SNRNP25: variants seen among roughly 807,000 people sequenced by gnomAD.
The protein encoded by SNRNP25 is U11/U12 small nuclear ribonucleoprotein 25 kDa protein.
A neutral mutation model predicts 23.9 loss-of-function variants in SNRNP25; 21 were observed. The observed-to-expected ratio is 0.88, with a 90% CI of 0.62 to 1.27. SNRNP25 has a LOEUF of 1.27. Among genes scored for constraint, SNRNP25 ranks in the 50% most tolerant of loss-of-function variants. SNRNP25 has a pLI of 0.00. For missense variants in SNRNP25, 160 were observed against 156.9 expected, an observed-to-expected ratio of 1.02 and a Z score of -0.11; for synonymous variants, 63 against 60.4, an observed-to-expected ratio of 1.04 and a Z score of -0.20.
At chr16:55,916 T>G in intron 3 of SNRNP25, 34 bp downstream of exon 3, 1 of 1,577,944 alleles carries the variant, frequency 6.3e-7, no homozygotes, top group Non-Finnish European at 8.7e-7. Flanking sequence ...ATTATAGCCC[T>G]TCGTGGGGCT....
chr16:54,005 G>T lies in SNRNP25; in HGVS notation c.-12G>T. The T allele has an allele frequency of 6.2e-7, 1 of 1,610,388 alleles. No individual in the cohort carries two copies. Among genetic ancestry groups the T allele is most frequent in the Non-Finnish European group, 8.5e-7 (1 of 1,179,038 alleles). ...CTCCGAGGCCATGGACGTGTTCCAG[G>T]AGGGTCTGGCTATGGTGGTGCAGGA... On this transcript the variant is annotated 5_prime_UTR_variant, in exon 1 of 5. The change creates a premature stop within an existing upstream ORF in the 5' untranslated region. Coordinates refer to ENST00000293861, the MANE Select transcript of SNRNP25 (RefSeq NM_024571.4).
intron 3 of SNRNP25, chr16:56,259 A>G: frequency 1.4e-6 from 1 of 694,352 alleles, no homozygotes; most frequent in Admixed American, 2.0e-5. Context: ...GTCAGCCCTC[A>G]CTCTCCTATT....
rs1567151813 is a variant in SNRNP25 at position 55,476 on chromosome 16, C to T, written c.60C>T (p.Val20=). 1 of 1,614,018 alleles carries T rather than the reference C, an allele frequency of 6.2e-7. No individual in the cohort carries two copies. The highest frequency in any genetic ancestry group is 1.3e-5 in the African/African-American group (1 of 74,920). The change falls in exon 2 of 5, where the codon GTC becomes GTT. Residue 20 remains valine (V), a synonymous_variant. Transcript: ENST00000293861. ...DLPIQVTLEE[V]NSQIALEYGQ... ...TTTTGTAGGTTACTCTGGAAGAAGT[C>T]AACTCCCAAATAGCCCTAGAATACG... is the stretch of plus-strand genomic sequence containing the variant.
chr16:56,288 A>G (rs1238459603), intron 3 of SNRNP25: 1 of 704,286 alleles, frequency 1.4e-6, no homozygotes, highest in Non-Finnish European at 2.7e-6. Context: ...TATCCTGTTC[A>G]CTGAGTCTCA....
In SNRNP25 at chr16:55,489, G is replaced by A. The variant is rs1293077312; in HGVS notation, c.73G>A (p.Ala25Thr). The change falls in exon 2 of 5, where the codon GCC (alanine) becomes ACC (threonine). Residue 25 changes from alanine to threonine, a missense_variant. Ala to Thr is a moderately conservative substitution (Grantham distance 58). Coordinates refer to ENST00000293861, the MANE Select transcript of SNRNP25 (RefSeq NM_024571.4). ...TCTGGAAGAAGTCAACTCCCAAATA[G>A]CCCTAGAATACGGCCAGGCAATGAC... Reference protein sequence around the residue: ...VTLEEVNSQIALEYGQAMTVR... With the variant: ...VTLEEVNSQITLEYGQAMTVR... 6.2e-7 allele frequency: 1 copy of A among 1,614,044 alleles called. No individual in the cohort carries two copies. Among genetic ancestry groups the A allele is most frequent in the Non-Finnish European group, 8.5e-7 (1 of 1,180,032 alleles).
At chr16:55,318 C>A (rs1374446837) in intron 1 of SNRNP25, 141 bp from the exon 2 acceptor site, 5 of 689,696 alleles carry the variant, frequency 7.2e-6, no homozygotes, top group Non-Finnish European at 1.3e-5. Context: ...AATTGGGAAA[C>A]CATAACGTAC....
At chr16:54,666 A>G (rs1015529746) in intron 1 of SNRNP25, among the ~76,000 whole-genome samples, 3 of 152,166 alleles carry the variant, frequency 2.0e-5, no homozygotes, top group African/African-American at 7.2e-5. Flanking sequence ...TCAAGCGTCA[A>G]TCATGTGTCA....
chr16:54,001 C>A lies in SNRNP25; in HGVS notation c.-16C>A. ...CGCACTCCGAGGCCATGGACGTGTTCCAGGAGGGTCTGGCTATGGTGGTGC... is the reference window on the plus strand; with the variant it reads ...CGCACTCCGAGGCCATGGACGTGTTACAGGAGGGTCTGGCTATGGTGGTGC... On this transcript the variant is annotated 5_prime_UTR_variant, in exon 1 of 5. Coordinates refer to ENST00000293861, the MANE Select transcript of SNRNP25 (RefSeq NM_024571.4). The A allele has an allele frequency of 6.2e-7, 1 of 1,610,082 alleles. No individual in the cohort carries two copies. The highest frequency in any genetic ancestry group is 8.5e-7 in the Non-Finnish European group (1 of 1,178,890).
chr16:54,096 C>G (rs1461469873), intron 1 of SNRNP25, 38 bp downstream of exon 1: 1 of 1,573,912 alleles, frequency 6.4e-7, no homozygotes, highest in Non-Finnish European at 8.6e-7. Flanking sequence ...GGGAGTCGTT[C>G]CCCGGGGTCC....
At position 57,175 on chromosome 16, in the gene SNRNP25, G is replaced by T. The variant is rs748089990; in HGVS notation, c.*32G>T. On this transcript the variant is annotated 3_prime_UTR_variant, in exon 5 of 5. Transcript: ENST00000293861. Reference sequence around the variant, plus strand: ...AGACAGGACAACCCTCTTCATCACTGGTGGCTGAGCTTTTTCCCAGCAGGA... The same window carrying T: ...AGACAGGACAACCCTCTTCATCACTTGTGGCTGAGCTTTTTCCCAGCAGGA... 1.9e-6 allele frequency: 3 copies of T among 1,610,576 alleles called. No individual in the cohort carries two copies. Among genetic ancestry groups the T allele is most frequent in the African/African-American group, 2.7e-5 (2 of 74,788 alleles).
intron 1 of SNRNP25, chr16:55,176 C>A: frequency 2.5e-6 from 1 of 398,976 alleles, no homozygotes; most frequent in Non-Finnish European, 4.7e-6. Context: ...TGACAGGCCT[C>A]TACCCACCCC....
Position 57,492 on chromosome 16 carries a change from T to C in SNRNP25, c.*349T>C, listed in dbSNP as rs1897429095. On this transcript the variant is annotated 3_prime_UTR_variant, in exon 5 of 5. Transcript: ENST00000293861. Reference sequence around the variant, plus strand: ...GTAACCTGGGTAGCAAAGACTGAGATTGCCCCATCACAGAGGTGAGTTAAG... The same window carrying C: ...GTAACCTGGGTAGCAAAGACTGAGACTGCCCCATCACAGAGGTGAGTTAAG... The C allele has an allele frequency of 1.8e-5, 6 of 331,642 alleles. No individual in the cohort carries two copies. The highest frequency in any genetic ancestry group is 4.6e-5 in the South Asian group (1 of 21,842). 20.5% of individuals were successfully genotyped at this position (331,642 alleles called of 1,614,324 possible). A position where few individuals can be genotyped will look rare whatever the true frequency, so the allele number is the denominator to read the frequency against.
rs565187114 is a variant in SNRNP25, at chr16:54,520, G to A, written c.42+462G>A. On this transcript the variant is annotated intron_variant, in intron 1 of 4. Transcript: ENST00000293861. ...CTGCCTCGGCCTCCCAAAATGCTGG[G>A]ATTTAGGTGTGAGCCACCCGCCTGG... Among the ~76,000 whole-genome samples the A allele has an allele frequency of 2.0e-5, 3 of 152,222 alleles. No homozygotes were observed. The South Asian group carries it at 6.2e-4, about 32-fold the overall frequency.
chr16:55,835 C>A lies in SNRNP25; in HGVS notation c.192C>A (p.Tyr64Ter), dbSNP rs1337865477. 1.2e-6 allele frequency: 2 copies of A among 1,614,190 alleles called. No individual in the cohort carries two copies. The highest frequency in any genetic ancestry group is 1.7e-6 in the Non-Finnish European group (2 of 1,180,018). ...VLDLKKAIQR[Y>*]VQLKQEREGG... ...ACCTGAAGAAGGCCATCCAGAGATA[C>A]GTGCAGCTCAAGCAGGAGCGTGAAG... The change falls in exon 3 of 5, where the codon TAC becomes TAA. Residue 64 changes from tyrosine (Y) to a stop codon, truncating the protein, a stop_gained. Coordinates refer to ENST00000293861, the MANE Select transcript of SNRNP25 (RefSeq NM_024571.4). LOFTEE classifies it high-confidence loss of function.
Position 55,816 on chromosome 16 carries a change from A to C in SNRNP25, c.173A>C (p.Lys58Thr). The C allele has an allele frequency of 6.2e-7, 1 of 1,614,196 alleles. No homozygotes were observed. The highest frequency in any genetic ancestry group is 8.5e-7 in the Non-Finnish European group (1 of 1,180,022). The change falls in exon 3 of 5, where the codon AAG becomes ACG. Residue 58 changes from lysine to threonine, a missense_variant. Transcript: ENST00000293861. ...VVQSATVLDL[K>T]KAIQRYVQLK... ...CAGAGTGCCACAGTCCTGGACCTGAAGAAGGCCATCCAGAGATACGTGCAG... is the reference window on the plus strand; with the variant it reads ...CAGAGTGCCACAGTCCTGGACCTGACGAAGGCCATCCAGAGATACGTGCAG...
At chr16:56,461 C>G in intron 3 of SNRNP25, 78 bp from the exon 4 acceptor site, 1 of 1,373,214 alleles carries the variant, frequency 7.3e-7, no homozygotes, top group South Asian at 1.2e-5. Context: ...GGACTGCATG[C>G]CTCAAGCCCA....
Position 54,066 on chromosome 16 carries a change from C to A in SNRNP25, c.42+8C>A. 3.1e-6 allele frequency: 5 copies of A among 1,599,772 alleles called. No homozygotes were observed. Among genetic ancestry groups the A allele is most frequent in the Non-Finnish European group, 4.2e-6 (5 of 1,176,968 alleles). On this transcript the variant is annotated splice_region_variant and intron_variant, in intron 1 of 4. Coordinates refer to ENST00000293861, the MANE Select transcript of SNRNP25 (RefSeq NM_024571.4). ...TGCGATCTGCCGATCCAGGTGTGTG[C>A]GGGCGGGGGCTGGGGGCGCGGGAGT...
In SNRNP25 at chr16:55,454, T is replaced by C. The variant is rs745635315; in HGVS notation, c.43-5T>C. On this transcript the variant is annotated splice_polypyrimidine_tract_variant and splice_region_variant and intron_variant, in intron 1 of 4. Coordinates refer to ENST00000293861, the MANE Select transcript of SNRNP25 (RefSeq NM_024571.4). ...GTTCCCACTTCTGCCCTTGGTCTTT[T>C]GTAGGTTACTCTGGAAGAAGTCAAC... The C allele has an allele frequency of 1.2e-6, 2 of 1,614,068 alleles. No individual in the cohort carries two copies. The highest frequency in any genetic ancestry group is 1.7e-6 in the Non-Finnish European group (2 of 1,179,922).
chr16:56,083 C>T (rs1030270425), intron 3 of SNRNP25: 19 of 624,980 alleles, frequency 3.0e-5, no homozygotes, highest in African/African-American at 9.1e-5. Context: ...ACTCCTGCCT[C>T]GGCCATCCCC....
Sources: gnomAD v4.1 joint callset for allele counts (sites outside exome capture counted in the v4.1 genomes callset) on GRCh38, gnomAD v4.1.1 for gene constraint, MANE v1.5 for transcripts, NCBI Gene and HGNC (gene_info 2026-07-23, HGNC 2026-07-21) for gene names.